The following DCTPP1 variants were observed in gnomAD, a reference collection of about 807,000 sequenced individuals.
DCTPP1 encodes XTP3-transactivated gene A protein.
Under a neutral mutation model 8.8 loss-of-function variants are expected in DCTPP1, and 8 were observed. The ratio of observed to expected loss-of-function variants is 0.91; its 90% CI spans 0.54 to 1.64. DCTPP1 has a LOEUF of 1.64. Ranked by LOEUF, DCTPP1 falls within the 40% of genes most tolerant of loss-of-function variation. The probability of loss-of-function intolerance (pLI) is 0.00; values close to 1 mark genes in which losing one functional copy is unlikely to be tolerated. For missense variants in DCTPP1, 231 were observed against 230.4 expected, an observed-to-expected ratio of 1.00 and a Z score of -0.02; for synonymous variants, 85 against 92.1, an observed-to-expected ratio of 0.92 and a Z score of 0.44.
intron 2 of DCTPP1, among the ~76,000 whole-genome samples, chr16:30,426,116 C>T (rs983942553): frequency 1.3e-5 from 2 of 152,194 alleles, no homozygotes; most frequent in African/African-American, 4.8e-5. Context: ...CTAGCTCCTT[C>T]CTGTTATTCA....
Position 30,424,180 on chromosome 16 carries a change from C to G in DCTPP1, c.*53G>C. On this transcript the variant is annotated 3_prime_UTR_variant, in exon 3 of 3. Transcript: ENST00000319285. The stretch of plus-strand genomic sequence containing the variant: ...CTAGAAAAAGGCTCCAGGGCCAGGC[C>G]ACTCTCTGCTCTTCAGACACCACCC... The G allele has an allele frequency of 1.9e-6, 3 of 1,588,608 alleles. No individual in the cohort carries two copies. Among genetic ancestry groups the G allele is most frequent in the Non-Finnish European group, 2.6e-6 (3 of 1,166,018 alleles).
In DCTPP1 at chr16:30,424,841, C is replaced by T. The variant is rs550684493; in HGVS notation, c.213-308G>A. 2.0e-5 allele frequency among the ~76,000 whole-genome samples: 3 copies of T among 152,210 alleles called. No individual in the cohort carries two copies. In the South Asian group the frequency reaches 6.2e-4, roughly 32 times the overall value. ...GGACCTGGACCACTGCAGAAGCCTCCCCACTCATCTCCTGGCTAGCTCATC... is the reference window on the plus strand; with the variant it reads ...GGACCTGGACCACTGCAGAAGCCTCTCCACTCATCTCCTGGCTAGCTCATC... On this transcript the variant is annotated intron_variant, in intron 2 of 2. Transcript: ENST00000319285.
Position 30,424,343 on chromosome 16 carries a change from G to A in DCTPP1, c.403C>T (p.Arg135Cys), listed in dbSNP as rs1010468456. 1.4e-5 allele frequency: 22 copies of A among 1,614,116 alleles called. No homozygotes were observed. Among genetic ancestry groups the A allele is most frequent in the South Asian group, 7.7e-5 (7 of 91,090 alleles). The change falls in exon 3 of 3, where the codon CGC becomes TGC. Residue 135 changes from arginine (R) to cysteine (C), a missense_variant. Coordinates refer to ENST00000319285, the MANE Select transcript of DCTPP1 (RefSeq NM_024096.2). ...NRRRYPAHLA[R>C]SSSRKYTELP... ...TCTGTATACTTGCGGGAAGAGCTGC[G>A]GGCCAGATGGGCTGGGTAGCGTCGC...
intron 2 of DCTPP1, among the ~76,000 whole-genome samples, chr16:30,427,795 C>G (rs1277312269): frequency 6.6e-6 from 1 of 152,176 alleles, no homozygotes; most frequent in Non-Finnish European, 1.5e-5. Flanking sequence ...GAGTTTGAGA[C>G]CAGCCTGGGC....
chr16:30,429,199 T>C, intron 1 of DCTPP1, 32 bp from the exon 2 acceptor site: 1 of 1,611,718 alleles, frequency 6.2e-7, no homozygotes, highest in Non-Finnish European at 8.5e-7. Context: ...TAAGTCCAAG[T>C]CTCCGGGTTA....
chr16:30,429,778 G>A, intron 1 of DCTPP1, 102 bp downstream of exon 1: 1 of 1,181,274 alleles, frequency 8.5e-7, no homozygotes. Flanking sequence ...CAGGACCCGA[G>A]CCCCGCTGCC....
intron 1 of DCTPP1, chr16:30,429,549 C>T (rs2151129737): frequency 4.9e-6 from 2 of 409,826 alleles, no homozygotes; most frequent in East Asian, 8.0e-5. Context: ...CAAAAAATAA[C>T]GTCTCCCACC....
At position 30,429,941 on chromosome 16, in the gene DCTPP1, C is replaced by G. The variant is rs977028957; in HGVS notation, c.40G>C (p.Gly14Arg). 4 of 1,586,244 alleles carry G rather than the reference C, an allele frequency of 2.5e-6. No homozygotes were observed. The highest frequency in any genetic ancestry group is 1.8e-5 in the Admixed American group (1 of 56,754). Residue 14 changes from glycine to arginine, a missense_variant, in exon 1 of 3, where the codon GGA (glycine) becomes CGA (arginine). Gly to Arg is a moderately radical substitution (Grantham distance 125). Coordinates refer to ENST00000319285, the MANE Select transcript of DCTPP1 (RefSeq NM_024096.2). ...CGGCCGGGAGCAGCAGTGTCCTCTC[C>G]CCCCGTGTCCCCACGAATCTCCCCA... ...AGGEIRGDTG[G>R]EDTAAPGRFS...
chr16:30,428,599 G>A (rs1025586088), intron 2 of DCTPP1, among the ~76,000 whole-genome samples: 4 of 151,616 alleles, frequency 2.6e-5, no homozygotes, highest in African/African-American at 2.4e-5. Flanking sequence ...GTGAAACCCC[G>A]TCTCCACTAA....
chr16:30,426,333 A>G (rs2050192609), intron 2 of DCTPP1, among the ~76,000 whole-genome samples: 1 of 151,226 alleles, frequency 6.6e-6, no homozygotes, highest in African/African-American at 2.4e-5. Flanking sequence ...CTGCCACCAC[A>G]CCCAGCTAAT....
At chr16:30,425,745 A>C (rs2050189062) in intron 2 of DCTPP1, among the ~76,000 whole-genome samples, 1 of 152,134 alleles carries the variant, frequency 6.6e-6, no homozygotes, top group South Asian at 2.1e-4. Context: ...TGAACCCGGG[A>C]GGCGGAGGTT....
intron 1 of DCTPP1, 45 bp downstream of exon 1, chr16:30,429,835 G>C: frequency 6.4e-7 from 1 of 1,563,282 alleles, no homozygotes; most frequent in Non-Finnish European, 8.7e-7. Flanking sequence ...AAACGCGGGA[G>C]AAAGGGGCGA....
At position 30,424,404 on chromosome 16, in the gene DCTPP1, C is replaced by T; in HGVS notation, c.342G>A (p.Leu114=). 6.2e-7 allele frequency: 1 copy of T among 1,613,772 alleles called. No individual in the cohort carries two copies. The change falls in exon 3 of 3, where the codon CTG becomes CTA. Residue 114 remains leucine (L), a synonymous_variant. Coordinates refer to ENST00000319285, the MANE Select transcript of DCTPP1 (RefSeq NM_024096.2). Reference sequence around the variant, plus strand: ...CCATTTTGGAGAGCACTGCTAGCGGCAGATCCACACGGCAGCGGGCTGCTA... The same window carrying T: ...CCATTTTGGAGAGCACTGCTAGCGGTAGATCCACACGGCAGCGGGCTGCTA... ...VALAARCRVD[L]PLAVLSKMDI... is the part of the protein sequence containing the mutation.
In DCTPP1 at chr16:30,427,013, GT is replaced by G. The variant is rs1363743195; in HGVS notation, c.212+2043del. Among the ~76,000 whole-genome samples, 156 of 119,852 alleles carry G rather than the reference GT, an allele frequency of 1.3e-3. 1 individual carries two copies. Among genetic ancestry groups the G allele is most frequent in the Middle Eastern group, 6.3e-3 (1 of 160 alleles). The allele number at this position is 119,852 out of a possible 152,430, so 78.6% of individuals were successfully genotyped here. ...ACCGCACCTGGACCTTTTTCGTTGG[GT>G]TTTTTTTTTTTTTGAGACGGAGCCT... On this transcript the variant is annotated intron_variant, in intron 2 of 2. Transcript: ENST00000319285.
Position 30,429,177 on chromosome 16 carries a change from G to A in DCTPP1, c.102-10C>T, listed in dbSNP as rs1051510854. ...AGCATGGAGGCGGCGGCTGAAATAG[G>A]ACAAAGGAGTGTAAGTCCAAGTCTC... On this transcript the variant is annotated splice_polypyrimidine_tract_variant and intron_variant, in intron 1 of 2. Transcript: ENST00000319285. 3 of 1,613,906 alleles carry A rather than the reference G, an allele frequency of 1.9e-6. No individual in the cohort carries two copies. The highest frequency in any genetic ancestry group is 1.1e-5 in the South Asian group (1 of 91,010).
chr16:30,429,952 C>T lies in DCTPP1; in HGVS notation c.29G>A (p.Gly10Glu). 1 of 1,582,096 alleles carries T rather than the reference C, an allele frequency of 6.3e-7. No individual in the cohort carries two copies. The highest frequency in any genetic ancestry group is 8.6e-7 in the Non-Finnish European group (1 of 1,165,584). MSVAGGEIR[G>E]DTGGEDTAAP... The stretch of plus-strand genomic sequence containing the variant: ...AGCAGTGTCCTCTCCCCCCGTGTCC[C>T]CACGAATCTCCCCACCGGCCACAGA... Residue 10 changes from glycine to glutamate, a missense_variant, in exon 1 of 3, where the codon GGG becomes GAG. Physicochemically the swap from Gly to Glu is moderately conservative, Grantham distance 98. Coordinates refer to ENST00000319285, the MANE Select transcript of DCTPP1 (RefSeq NM_024096.2).
At position 30,429,210 on chromosome 16, in the gene DCTPP1, G is replaced by C. The variant is rs376311792; in HGVS notation, c.102-43C>G. 9 of 1,608,614 alleles carry C rather than the reference G, an allele frequency of 5.6e-6. No homozygotes were observed. The African/African-American group carries it at 9.4e-5, about 17-fold the overall frequency. ...AGTGTAAGTCCAAGTCTCCGGGTTA[G>C]AGGGTGATGCAGGGGCCAGAGGCAG... On this transcript the variant is annotated intron_variant, in intron 1 of 2. Transcript: ENST00000319285.
At chr16:30,426,144 C>T (rs2050190982) in intron 2 of DCTPP1, among the ~76,000 whole-genome samples, 2 of 152,168 alleles carry the variant, frequency 1.3e-5, no homozygotes, top group African/African-American at 2.4e-5. Flanking sequence ...GCCTAGATGT[C>T]ACCTCCTGGC....
Position 30,426,803 on chromosome 16 carries a change from A to T in DCTPP1, c.212+2254T>A, listed in dbSNP as rs12164989. ...CAACCTCTGCCTCCAGGGTTCAAGC[A>T]ATTCTCCTGCCTCAGCCTCACGAGT... On this transcript the variant is annotated intron_variant, in intron 2 of 2. Coordinates refer to ENST00000319285, the MANE Select transcript of DCTPP1 (RefSeq NM_024096.2). 2.0e-5 allele frequency among the ~76,000 whole-genome samples: 3 copies of T among 148,094 alleles called. No homozygotes were observed. The South Asian group carries it at 6.4e-4, about 32-fold the overall frequency.
Sources: allele counts gnomAD v4.1 joint callset (sites outside exome capture counted in the v4.1 genomes callset), GRCh38; gene constraint gnomAD v4.1.1; transcripts MANE v1.5; gene names NCBI Gene and HGNC (gene_info 2026-07-23, HGNC 2026-07-21).